EDAR: variants seen among roughly 807,000 people sequenced by gnomAD.
EDAR encodes tumor necrosis factor receptor superfamily member EDAR.
In EDAR, 38 loss-of-function variants were observed where a neutral mutation model predicts 51.3. The ratio of observed to expected loss-of-function variants is 0.74; its 90% CI spans 0.57 to 0.97. The LOEUF (loss-of-function observed/expected upper bound fraction) is 0.97. Ranked by LOEUF, EDAR falls within the 50% of genes least tolerant of loss-of-function variation. The probability of loss-of-function intolerance (pLI) is 0.00; values close to 1 mark genes in which losing one functional copy is unlikely to be tolerated. For missense variants in EDAR, 528 were observed against 595.0 expected (o/e 0.89, Z 1.17); for synonymous variants, 227 against 242.1 (o/e 0.94, Z 0.58).
rs569500782 is a variant in EDAR, at chr2:108,903,611, T to C, written c.1024+2697A>G. Among the ~76,000 whole-genome samples, 9 of 152,254 alleles carry C rather than the reference T, an allele frequency of 5.9e-5. No homozygotes were observed. In the South Asian group the frequency reaches 1.7e-3, roughly 28 times the overall value. The stretch of plus-strand genomic sequence containing the variant: ...ATAGACCTATACAAATATGCCAAAC[T>C]GATTTTTGACAAAGTTTGAAAAGCA... On this transcript the variant is annotated intron_variant, in intron 11 of 11. Transcript: ENST00000258443.
chr2:108,930,281 T>C, intron 2 of EDAR, 39 bp from the exon 3 acceptor site: 1 of 1,613,520 alleles, frequency 6.2e-7, no homozygotes, highest in Non-Finnish European at 8.5e-7. Flanking sequence ...CCGTACCTCC[T>C]TAGAAACACA....
In EDAR at chr2:108,896,845, A is replaced by G; in HGVS notation, c.*62T>C. ...TTGGCAGTCTTTTGGCACCACTCAC[A>G]GCTCCAGAGCCCTCGTTGGCTCCTT... is the stretch of plus-strand genomic sequence containing the variant. On this transcript the variant is annotated 3_prime_UTR_variant, in exon 12 of 12. Transcript: ENST00000258443. 1 of 1,525,672 alleles carries G rather than the reference A, an allele frequency of 6.6e-7. No individual in the cohort carries two copies. Among genetic ancestry groups the G allele is most frequent in the Non-Finnish European group, 8.9e-7 (1 of 1,120,254 alleles). The allele number at this position is 1,525,672 out of a possible 1,614,324, so 94.5% of individuals were successfully genotyped here.
intron 1 of EDAR, among the ~76,000 whole-genome samples, chr2:108,967,953 G>C (rs1180249250): frequency 6.6e-6 from 1 of 152,174 alleles, no homozygotes; most frequent in African/African-American, 2.4e-5. Context: ...GAGGGCCCCA[G>C]CCACAGGGGT....
At chr2:108,975,034 C>T (rs779223652) in intron 1 of EDAR, among the ~76,000 whole-genome samples, 14 of 152,186 alleles carry the variant, frequency 9.2e-5, no homozygotes, top group Non-Finnish European at 1.5e-4. Context: ...TTCTACCTGG[C>T]CTGGGAAACC....
intron 4 of EDAR, among the ~76,000 whole-genome samples, chr2:108,925,012 C>T (rs1470094392): frequency 6.6e-6 from 1 of 152,254 alleles, no homozygotes; most frequent in African/African-American, 2.4e-5. Flanking sequence ...CTCTGTGCCT[C>T]ACTTCCTCGC....
At chr2:108,935,673 A>C (rs1697453165) in intron 1 of EDAR, among the ~76,000 whole-genome samples, 1 of 152,090 alleles carries the variant, frequency 6.6e-6, no homozygotes. Flanking sequence ...CAGACTCTGC[A>C]CTAGACACCG....
At chr2:108,930,057 AATGCCAC>A in intron 3 of EDAR, 56 bp downstream of exon 3, 1 of 1,559,992 alleles carries the variant, frequency 6.4e-7, no homozygotes, top group South Asian at 1.2e-5. Flanking sequence ...TCAGGGCAAC[AATGCCAC>A]AAGCAGGAGG....
chr2:108,959,713 C>T (rs1009119844), intron 1 of EDAR, among the ~76,000 whole-genome samples: 1 of 152,000 alleles, frequency 6.6e-6, no homozygotes, highest in Non-Finnish European at 1.5e-5. Context: ...GGAGATTTCG[C>T]CTTTCCCCAG....
At chr2:108,947,637 C>T (rs1439280616) in intron 1 of EDAR, among the ~76,000 whole-genome samples, 1 of 152,196 alleles carries the variant, frequency 6.6e-6, no homozygotes, top group Non-Finnish European at 1.5e-5. Context: ...GGACTTGCAC[C>T]CTCTGAAGCA....
chr2:108,970,720 G>A (rs1364014831), intron 1 of EDAR, among the ~76,000 whole-genome samples: 1 of 152,192 alleles, frequency 6.6e-6, no homozygotes, highest in Non-Finnish European at 1.5e-5. Flanking sequence ...TAAAAGCTAA[G>A]ATGATGGTTT....
chr2:108,930,584 CA>C (rs1697349961), intron 2 of EDAR, among the ~76,000 whole-genome samples: 1 of 152,114 alleles, frequency 6.6e-6, no homozygotes, highest in Admixed American at 6.5e-5. Context: ...GCCTCTAATA[CA>C]GTGGCTTCTC....
At chr2:108,930,288 C>T in intron 2 of EDAR, 46 bp from the exon 3 acceptor site, 1 of 1,613,332 alleles carries the variant, frequency 6.2e-7, no homozygotes, top group Non-Finnish European at 8.5e-7. Flanking sequence ...TCCTTAGAAA[C>T]ACATGTGACT....
chr2:108,972,427 CCTGG>C (rs1257517640), intron 1 of EDAR, among the ~76,000 whole-genome samples: 2 of 152,248 alleles, frequency 1.3e-5, no homozygotes, highest in East Asian at 3.8e-4. Context: ...GCCCAACCCT[CCTGG>C]CTGGCTTTCA....
intron 11 of EDAR, among the ~76,000 whole-genome samples, chr2:108,902,376 A>AAAAAC (rs745358106): frequency 1.4e-4 from 21 of 152,266 alleles, no homozygotes; most frequent in East Asian, 9.7e-4. Flanking sequence ...ACTCCATCTC[A>AAAAAC]AAAACAAAAC....
At chr2:108,926,912 C>T (rs1226831282) in intron 4 of EDAR, among the ~76,000 whole-genome samples, 1 of 152,196 alleles carries the variant, frequency 6.6e-6, no homozygotes, top group East Asian at 1.9e-4. Flanking sequence ...TCCTGTGATC[C>T]TCCTCTGTGA....
Position 108,911,315 on chromosome 2 carries a change from C to T in EDAR, c.530-243G>A, listed in dbSNP as rs141998796. On this transcript the variant is annotated intron_variant, in intron 6 of 11. Coordinates refer to ENST00000258443, the MANE Select transcript of EDAR (RefSeq NM_022336.4). ...TGGCCTCTCCAGACTTCTCTGGGGT[C>T]ACCTGATTGTTCCTAGGGAGTTTGC... Among the ~76,000 whole-genome samples the T allele has an allele frequency of 2.3e-3, 356 of 152,304 alleles. 5 individuals carry two copies. Among genetic ancestry groups the T allele is most frequent in the African/African-American group, 8.2e-3 (341 of 41,562 alleles).
chr2:108,907,989 C>G lies in EDAR; in HGVS notation c.834G>C (p.Gln278His). Reference protein sequence around the residue: ...SENDASSENEQLLSRSVDSDE... With the variant: ...SENDASSENEHLLSRSVDSDE... ...CACTGTCGACGCTCCGGCTCAGCAGCTGCTCATTCTCGGATGAGGCATCGT... is the reference window on the plus strand; with the variant it reads ...CACTGTCGACGCTCCGGCTCAGCAGGTGCTCATTCTCGGATGAGGCATCGT... The change falls in exon 10 of 12, where the codon CAG (glutamine) becomes CAC (histidine). Residue 278 changes from glutamine (Q) to histidine (H), a missense_variant. By Grantham distance (24) the Gln-to-His change is conservative. Coordinates refer to ENST00000258443, the MANE Select transcript of EDAR (RefSeq NM_022336.4). 1 of 1,611,090 alleles carries G rather than the reference C, an allele frequency of 6.2e-7. No homozygotes were observed. The highest frequency in any genetic ancestry group is 8.5e-7 in the Non-Finnish European group (1 of 1,177,732).
chr2:108,961,954 G>A (rs971149271), intron 1 of EDAR, among the ~76,000 whole-genome samples: 1 of 152,212 alleles, frequency 6.6e-6, no homozygotes, highest in African/African-American at 2.4e-5. Flanking sequence ...CTGTGTTCAG[G>A]GAAATCAAAG....
rs781739021 is a variant in EDAR at position 108,930,124 on chromosome 2, T to C, written c.170A>G (p.Tyr57Cys). Residue 57 changes from tyrosine (Y) to cysteine (C), a missense_variant, in exon 3 of 12, where the codon TAC becomes TGC. Coordinates refer to ENST00000258443, the MANE Select transcript of EDAR (RefSeq NM_022336.4). ...CCAGGAGGGCTGGGTCCTTACCAGG[T>C]AGGGCTCCTCTCCCGGCCCACACGG... ...CPPCGPGEEP[Y>C]LSCGYGTKDE... is the part of the protein sequence containing the mutation. The C allele has an allele frequency of 1.2e-6, 2 of 1,613,398 alleles. No individual in the cohort carries two copies. The highest frequency in any genetic ancestry group is 3.3e-5 in the Admixed American group (2 of 59,956).
Sources: gnomAD v4.1 joint callset for allele counts (sites outside exome capture counted in the v4.1 genomes callset) on GRCh38, gnomAD v4.1.1 for gene constraint, MANE v1.5 for transcripts, NCBI Gene and HGNC (gene_info 2026-07-23, HGNC 2026-07-21) for gene names.